Variants in ELAVL2 observed in about 807,000 individuals in gnomAD.
The protein encoded by ELAVL2 is ELAV-like protein 2.
ELAVL2 carries 4 observed loss-of-function variants against 34.6 expected under a neutral mutation model. The ratio of observed to expected loss-of-function variants is 0.12; its 90% CI spans 0.06 to 0.26. The LOEUF (loss-of-function observed/expected upper bound fraction) is 0.26. Ranked by LOEUF, ELAVL2 falls within the 10% of genes least tolerant of loss-of-function variation. ELAVL2 has a pLI of 1.00. For missense variants in ELAVL2, 432 were observed against 442.8 expected (o/e 0.98, Z 0.22); for synonymous variants, 193 against 154.8 (o/e 1.25, Z -1.83).
chr9:23,693,022 A>C, intron 6 of ELAVL2, 138 bp from the exon 7 acceptor site: 2 of 799,258 alleles, frequency 2.5e-6, no homozygotes, highest in Non-Finnish European at 3.9e-6. Flanking sequence ...AAACTATTTC[A>C]TGTTTTGACC....
At chr9:23,770,167 T>C (rs1256226410) in intron 1 of ELAVL2, among the ~76,000 whole-genome samples, 1 of 152,144 alleles carries the variant, frequency 6.6e-6, no homozygotes, top group African/African-American at 2.4e-5. Flanking sequence ...TATACAAGTA[T>C]GAACACATAG....
chr9:23,766,993 T>A (rs1482200521), intron 1 of ELAVL2, among the ~76,000 whole-genome samples: 1 of 152,218 alleles, frequency 6.6e-6, no homozygotes, highest in Non-Finnish European at 1.5e-5. Context: ...AATTTAGACA[T>A]CACTTGTGCC....
chr9:23,753,455 G>A (rs1323903843), intron 2 of ELAVL2, among the ~76,000 whole-genome samples: 1 of 152,060 alleles, frequency 6.6e-6, no homozygotes, highest in Non-Finnish European at 1.5e-5. Flanking sequence ...GGTGGCCAAA[G>A]CTGTGTCATA....
chr9:23,784,603 T>G (rs899329763), intron 1 of ELAVL2, among the ~76,000 whole-genome samples: 3 of 151,696 alleles, frequency 2.0e-5, no homozygotes, highest in Admixed American at 6.6e-5. Flanking sequence ...GCAGGCAGAG[T>G]TTTACAATTA....
chr9:23,790,068 G>GAAA (rs375245508), intron 1 of ELAVL2, among the ~76,000 whole-genome samples: 2 of 140,910 alleles, frequency 1.4e-5, no homozygotes, highest in African/African-American at 5.2e-5. Context: ...TAAAAAAGGG[G>GAAA]AAAAAAAAAA....
intron 3 of ELAVL2, among the ~76,000 whole-genome samples, chr9:23,705,623 G>C (rs1311921413): frequency 6.6e-6 from 1 of 152,176 alleles, no homozygotes; most frequent in Admixed American, 6.5e-5. Flanking sequence ...TTTTTCCATG[G>C]ACCATGGTGG....
chr9:23,761,016 A>G (rs1374894499), intron 2 of ELAVL2, among the ~76,000 whole-genome samples: 3 of 152,068 alleles, frequency 2.0e-5, no homozygotes, highest in African/African-American at 7.2e-5. Flanking sequence ...TATTTTGCCA[A>G]TGGAAACCAG....
At chr9:23,828,000 A>C (rs1049497490), upstream of ELAVL2, among the ~76,000 whole-genome samples, 1 of 152,170 alleles carries the variant, frequency 6.6e-6, no homozygotes, top group Non-Finnish European at 1.5e-5. Flanking sequence ...CTGGAGTCTT[A>C]ATTTCAACTT....
chr9:23,708,860 A>C (rs1205157696), intron 3 of ELAVL2, among the ~76,000 whole-genome samples: 1 of 151,974 alleles, frequency 6.6e-6, no homozygotes, highest in Non-Finnish European at 1.5e-5. Flanking sequence ...CTGGTCTCGA[A>C]TGCCTGACCT....
At chr9:23,816,907 C>T (rs1469096497) in intron 1 of ELAVL2, among the ~76,000 whole-genome samples, 1 of 152,078 alleles carries the variant, frequency 6.6e-6, no homozygotes, top group Non-Finnish European at 1.5e-5. Flanking sequence ...TAACTTAATG[C>T]CATTTTCAAC....
chr9:23,824,235 A>G (rs375574949), intron 1 of ELAVL2, among the ~76,000 whole-genome samples: 23 of 152,274 alleles, frequency 1.5e-4, no homozygotes, highest in African/African-American at 5.1e-4. Context: ...CCAACCTCCA[A>G]TTTGTCACAG....
chr9:23,718,461 A>C (rs894581003), intron 3 of ELAVL2, among the ~76,000 whole-genome samples: 1 of 152,162 alleles, frequency 6.6e-6, no homozygotes, highest in African/African-American at 2.4e-5. Context: ...GGTAATCCTC[A>C]ATCAGTAGAA....
chr9:23,808,890 G>C (rs1421916840), intron 1 of ELAVL2, among the ~76,000 whole-genome samples: 1 of 152,108 alleles, frequency 6.6e-6, no homozygotes, highest in Non-Finnish European at 1.5e-5. Context: ...TAATGCTTCT[G>C]AATTCCATAG....
At chr9:23,748,068 TA>T (rs2050949465) in intron 2 of ELAVL2, among the ~76,000 whole-genome samples, 1 of 151,874 alleles carries the variant, frequency 6.6e-6, no homozygotes, top group African/African-American at 2.4e-5. Flanking sequence ...AAGTTTTCTC[TA>T]ACTACAATAA....
chr9:23,738,287 C>CG (rs2048357601), intron 2 of ELAVL2, among the ~76,000 whole-genome samples: 1 of 152,214 alleles, frequency 6.6e-6, no homozygotes, highest in Non-Finnish European at 1.5e-5. Flanking sequence ...TCTCTAGTCA[C>CG]GTTTTTCTCC....
At chr9:23,776,436 ACT>A (rs1365367542) in intron 1 of ELAVL2, among the ~76,000 whole-genome samples, 1 of 152,038 alleles carries the variant, frequency 6.6e-6, no homozygotes, top group East Asian at 1.9e-4. Context: ...TGAAGTTTAT[ACT>A]CTCTCCCCAA....
At chr9:23,705,943 C>T (rs948396046) in intron 3 of ELAVL2, among the ~76,000 whole-genome samples, 1 of 152,148 alleles carries the variant, frequency 6.6e-6, no homozygotes, top group Non-Finnish European at 1.5e-5. Flanking sequence ...TAGCCTCTCA[C>T]ATCTGTGTGG....
At chr9:23,781,518 C>CT (rs34293408) in intron 1 of ELAVL2, among the ~76,000 whole-genome samples, 13,447 of 135,734 alleles carry the variant, frequency 0.099, 876 homozygotes, top group East Asian at 0.25. Flanking sequence ...TTTTTCTTTC[C>CT]TTTTTTTTTT....
chr9:23,827,537 G>C (rs2065361365), upstream of ELAVL2, among the ~76,000 whole-genome samples: 1 of 151,452 alleles, frequency 6.6e-6, no homozygotes, highest in Non-Finnish European at 1.5e-5. Flanking sequence ...TTACCAGAAT[G>C]TGTAAATGTA....
Sources: gnomAD v4.1 joint callset for allele counts (sites outside exome capture counted in the v4.1 genomes callset) on GRCh38, gnomAD v4.1.1 for gene constraint, MANE v1.5 for transcripts, NCBI Gene and HGNC (gene_info 2026-07-23, HGNC 2026-07-21) for gene names.